PCDHA9: variants seen among roughly 807,000 people sequenced by gnomAD.
The protein encoded by PCDHA9 is protocadherin alpha-9.
Under a neutral mutation model 62.0 loss-of-function variants are expected in PCDHA9, and 62 were observed. The observed-to-expected ratio is 1.00, with a 90% CI of 0.81 to 1.23. The LOEUF is 1.23. PCDHA9 is among the 50% of genes most tolerant of loss of function. The pLI is 0.00. For synonymous variants in PCDHA9, 557 were observed against 567.6 expected (o/e 0.98, Z 0.27); for missense variants, 1,205 against 1,249.8 (o/e 0.96, Z 0.54).
At chr5:140,883,628 G>A (rs903824034) in intron 1 of PCDHA9, 1 of 1,613,884 alleles carries the variant, frequency 6.2e-7, no homozygotes, top group Admixed American at 1.7e-5. Context: ...CAACGCGCCG[G>A]CGTTCGCGCA....
intron 1 of PCDHA9, among the ~76,000 whole-genome samples, chr5:140,885,621 T>G (rs528108703): frequency 1.3e-5 from 2 of 152,188 alleles, no homozygotes; most frequent in Non-Finnish European, 2.9e-5. Context: ...ATAAAATATG[T>G]CACTGGATTG....
chr5:140,949,880 A>G (rs1448161802), intron 1 of PCDHA9, among the ~76,000 whole-genome samples: 1 of 151,692 alleles, frequency 6.6e-6, no homozygotes, highest in African/African-American at 2.4e-5. Flanking sequence ...TTATTTGGGT[A>G]TTCCTCAGAA....
chr5:140,927,131 C>T (rs782433395), intron 1 of PCDHA9: 1 of 1,614,078 alleles, frequency 6.2e-7, no homozygotes, highest in Non-Finnish European at 8.5e-7. Context: ...GTCAGAGAGC[C>T]GGCGGACCGC....
At position 141,010,228 on chromosome 5, in the gene PCDHA9, C is replaced by T. The variant is rs1290626143; in HGVS notation, c.*291C>T. The stretch of plus-strand genomic sequence containing the variant: ...CCGCAAAGGAGAGGCTTCCCAGCCC[C>T]GCCAGTGAGAGGTTGGACTCTCTGC... On this transcript the variant is annotated 3_prime_UTR_variant, in exon 4 of 4. Coordinates refer to ENST00000532602, the MANE Select transcript of PCDHA9 (RefSeq NM_031857.2). 35 of 1,551,916 alleles carry T rather than the reference C, an allele frequency of 2.3e-5. No homozygotes were observed. The highest frequency in any genetic ancestry group is 2.8e-5 in the Non-Finnish European group (32 of 1,147,054).
chr5:140,957,468 T>C (rs1318789577), intron 1 of PCDHA9, among the ~76,000 whole-genome samples: 2 of 152,166 alleles, frequency 1.3e-5, no homozygotes, highest in African/African-American at 4.8e-5. Context: ...GGTATGTATG[T>C]ATAGGAAAAA....
intron 1 of PCDHA9, among the ~76,000 whole-genome samples, chr5:140,977,103 G>A (rs1159604551): frequency 6.6e-6 from 1 of 152,230 alleles, no homozygotes; most frequent in Non-Finnish European, 1.5e-5. Context: ...TTGGGGAAGT[G>A]AGATTGTATA....
At chr5:140,858,001 G>A in intron 1 of PCDHA9, 1 of 1,597,108 alleles carries the variant, frequency 6.3e-7, no homozygotes, top group East Asian at 2.2e-5. Flanking sequence ...TGCTGGTGAA[G>A]GACCATGGCG....
intron 3 of PCDHA9, among the ~76,000 whole-genome samples, chr5:141,006,057 A>G (rs2098253248): frequency 6.6e-6 from 1 of 152,022 alleles, no homozygotes. Context: ...AGAGTGGAGA[A>G]GAAATAAAAA....
Position 140,857,332 on chromosome 5 carries a change from C to T in PCDHA9, c.2394+6443C>T, listed in dbSNP as rs782461373. The stretch of plus-strand genomic sequence containing the variant: ...ATGAGCTGGTGGTGACCGCGCGGGA[C>T]GGGGGCTCGCCTCCGCTGTGGGCCA... On this transcript the variant is annotated intron_variant, in intron 1 of 3. Transcript: ENST00000532602. The T allele has an allele frequency of 1.9e-5, 30 of 1,598,216 alleles. No homozygotes were observed. In the South Asian group the frequency reaches 2.0e-4, roughly 11 times the overall value.
At position 140,850,532 on chromosome 5, in the gene PCDHA9, G is replaced by A. The variant is rs140380568; in HGVS notation, c.2037G>A (p.Ser679=). 9.4e-6 allele frequency: 15 copies of A among 1,598,364 alleles called. 1 individual carries two copies. Among genetic ancestry groups the A allele is most frequent in the Admixed American group, 6.7e-5 (4 of 59,316 alleles). The part of the protein sequence containing the change: ...LVESGQAPKS[S]SRASVGATGP... ...AGAGCGGCCAGGCGCCAAAGTCATC[G>A]TCGCGGGCGTCAGTGGGTGCCACGG... Residue 679 remains serine (S), a synonymous_variant, in exon 1 of 4, where the codon TCG becomes TCA. Transcript: ENST00000532602.
intron 1 of PCDHA9, chr5:140,967,878 A>G: frequency 6.2e-7 from 1 of 1,614,152 alleles, no homozygotes; most frequent in Non-Finnish European, 8.5e-7. Flanking sequence ...ACGGACCTGT[A>G]TAGCCCAGTG....
chr5:140,879,469 G>A (rs1438617682), intron 1 of PCDHA9, among the ~76,000 whole-genome samples: 2 of 152,166 alleles, frequency 1.3e-5, no homozygotes, highest in Non-Finnish European at 2.9e-5. Context: ...AGAGAATACC[G>A]TTGTGATTGG....
chr5:140,988,059 T>C (rs1587274242), intron 3 of PCDHA9, among the ~76,000 whole-genome samples: 1 of 152,324 alleles, frequency 6.6e-6, no homozygotes, highest in East Asian at 1.9e-4. Flanking sequence ...ACTGTCAACA[T>C]GAATTTTTCT....
At chr5:140,925,641 T>TATAATAATAATAATA (rs10569930) in intron 1 of PCDHA9, among the ~76,000 whole-genome samples, 21 of 143,352 alleles carry the variant, frequency 1.5e-4, no homozygotes, top group East Asian at 6.1e-4. Context: ...GAACTTAAAG[T>TATAATAATAATAATA]ATAATAATAA....
At chr5:141,003,143 ACT>A (rs1162243146) in intron 3 of PCDHA9, among the ~76,000 whole-genome samples, 1 of 152,180 alleles carries the variant, frequency 6.6e-6, no homozygotes, top group East Asian at 1.9e-4. Context: ...CTTGGCAAAG[ACT>A]CTGACCTGAT....
At chr5:140,911,663 T>G (rs2075591717) in intron 1 of PCDHA9, among the ~76,000 whole-genome samples, 1 of 152,206 alleles carries the variant, frequency 6.6e-6, no homozygotes, top group Non-Finnish European at 1.5e-5. Context: ...CTAAACTCCT[T>G]GCCTCTCACG....
intron 1 of PCDHA9, chr5:140,882,751 T>C: frequency 6.2e-7 from 1 of 1,614,242 alleles, no homozygotes; most frequent in Non-Finnish European, 8.5e-7. Flanking sequence ...CCGATGCAGA[T>C]ATTGGAGTAA....
intron 1 of PCDHA9, among the ~76,000 whole-genome samples, chr5:140,881,102 T>C (rs1470850677): frequency 1.3e-5 from 2 of 152,230 alleles, no homozygotes; most frequent in African/African-American, 4.8e-5. Flanking sequence ...ATTACACCAT[T>C]TGGCCTGGGA....
At chr5:140,972,306 GT>G (rs2096530781) in intron 1 of PCDHA9, among the ~76,000 whole-genome samples, 1 of 150,488 alleles carries the variant, frequency 6.6e-6, no homozygotes, top group South Asian at 2.1e-4. Flanking sequence ...TGTCTGACTA[GT>G]TTTTAGGTGT....
Sources: gnomAD v4.1 joint callset for allele counts (sites outside exome capture counted in the v4.1 genomes callset) on GRCh38, gnomAD v4.1.1 for gene constraint, MANE v1.5 for transcripts, NCBI Gene and HGNC (gene_info 2026-07-23, HGNC 2026-07-21) for gene names.